KDM4D: variants seen among roughly 807,000 people sequenced by gnomAD.
KDM4D encodes the protein lysine-specific demethylase 4D.
For missense variants in KDM4D, 427 were observed against 674.8 expected, an observed-to-expected ratio of 0.63 and a Z score of 4.07; for synonymous variants, 254 against 249.1, an observed-to-expected ratio of 1.02 and a Z score of -0.19.
chr11:94,976,507 T>G (rs1289966608), intron 2 of KDM4D, among the ~76,000 whole-genome samples: 1 of 152,206 alleles, frequency 6.6e-6, no homozygotes, highest in Non-Finnish European at 1.5e-5. Context: ...CACTCTCCCT[T>G]GTGCTCTGGG....
chr11:94,996,268 A>C (rs1272097614), intron 2 of KDM4D, among the ~76,000 whole-genome samples: 1 of 152,222 alleles, frequency 6.6e-6, no homozygotes, highest in Non-Finnish European at 1.5e-5. Context: ...TGATGAGTTA[A>C]CACAATGAGT....
At position 94,997,509 on chromosome 11, in the gene KDM4D, C is replaced by G. The variant is rs1857985209; in HGVS notation, c.137C>G (p.Ala46Gly). 6.2e-7 allele frequency: 1 copy of G among 1,614,150 alleles called. No individual in the cohort carries two copies. Among genetic ancestry groups the G allele is most frequent in the East Asian group, 2.2e-5 (1 of 44,884 alleles). Residue 46 changes from alanine (A) to glycine (G), a missense_variant, in exon 3 of 3, where the codon GCT (alanine) becomes GGT (glycine). Physicochemically the swap from Ala to Gly is moderately conservative, Grantham distance 60. Transcript: ENST00000335080. Reference protein sequence around the residue: ...AYMESQGAHRAGLAKIIPPKE... With the variant: ...AYMESQGAHRGGLAKIIPPKE... ...ATGGAATCCCAAGGTGCACACAGAG[C>G]TGGCTTGGCTAAGATAATTCCACCC...
chr11:94,991,905 A>C (rs1245660611), intron 2 of KDM4D, among the ~76,000 whole-genome samples: 2 of 151,978 alleles, frequency 1.3e-5, no homozygotes, highest in Non-Finnish European at 2.9e-5. Context: ...ATAGAGAGAC[A>C]AACAACCTAA....
chr11:94,996,550 A>T (rs1396804118), intron 2 of KDM4D, among the ~76,000 whole-genome samples: 2 of 152,230 alleles, frequency 1.3e-5, no homozygotes, highest in Non-Finnish European at 2.9e-5. Context: ...ATTGATCTTT[A>T]TAAAACTGCA....
intron 2 of KDM4D, among the ~76,000 whole-genome samples, chr11:94,981,189 T>C (rs1214376235): frequency 1.3e-5 from 2 of 152,134 alleles, no homozygotes; most frequent in Non-Finnish European, 2.9e-5. Context: ...TACACTATTA[T>C]TTTTTAAAGT....
In KDM4D at chr11:94,998,982, G is replaced by T; in HGVS notation, c.*38G>T. 1 of 1,467,194 alleles carries T rather than the reference G, an allele frequency of 6.8e-7. No homozygotes were observed. The allele number at this position is 1,467,194 out of a possible 1,614,324, so 90.9% of individuals were successfully genotyped here. A position where few individuals can be genotyped will look rare whatever the true frequency, so the allele number is the denominator to read the frequency against. On this transcript the variant is annotated 3_prime_UTR_variant, in exon 3 of 3. Transcript: ENST00000335080. This position sits in a 1 kb window ranked among gnomAD's most constrained non-coding sequence, Gnocchi z 6.7. ...TCTTTATATCCCACTGCCCTGCTGT[G>T]TGACAGTTTGATGAAACTGGTTACA...
intron 2 of KDM4D, among the ~76,000 whole-genome samples, chr11:94,980,682 A>T (rs1454129162): frequency 6.6e-6 from 1 of 152,166 alleles, no homozygotes; most frequent in South Asian, 2.1e-4. Context: ...GCTTAATGCT[A>T]TTATAAATGG....
Position 94,973,726 on chromosome 11 carries a change from G to C in KDM4D, c.-787G>C, listed in dbSNP as rs912761398. On this transcript the variant is annotated 5_prime_UTR_variant, in exon 1 of 3. Transcript: ENST00000335080. ...CCCAGGGGGCGGGCGTTTGAAATCA[G>C]TGCCTTAGAGTAGACCCTAAACCTC... is the stretch of plus-strand genomic sequence containing the variant. 6.6e-6 allele frequency: 1 copy of C among 152,336 alleles called. No individual in the cohort carries two copies. The highest frequency in any genetic ancestry group is 2.1e-4 in the South Asian group (1 of 4,834). The allele number at this position is 152,336 out of a possible 1,614,324, so 9.4% of individuals were successfully genotyped here. A position where few individuals can be genotyped will look rare whatever the true frequency, so the allele number is the denominator to read the frequency against.
intron 2 of KDM4D, among the ~76,000 whole-genome samples, chr11:94,982,350 G>T (rs1186118017): frequency 2.6e-5 from 4 of 151,780 alleles, no homozygotes; most frequent in Non-Finnish European, 4.4e-5. Flanking sequence ...CCAGGTTTAT[G>T]CCTGTCATCC....
At chr11:94,975,134 C>T (rs1188469662) in intron 1 of KDM4D, among the ~76,000 whole-genome samples, 1 of 152,130 alleles carries the variant, frequency 6.6e-6, no homozygotes, top group Non-Finnish European at 1.5e-5. Context: ...ATTTTAGGGC[C>T]TTTGCACTAG....
chr11:94,979,383 C>T (rs1459077718), intron 2 of KDM4D, among the ~76,000 whole-genome samples: 1 of 152,002 alleles, frequency 6.6e-6, no homozygotes, highest in Non-Finnish European at 1.5e-5. Flanking sequence ...GTGCGTGCCA[C>T]CATGCCTGGC....
intron 2 of KDM4D, among the ~76,000 whole-genome samples, chr11:94,976,242 T>C (rs1259334037): frequency 1.3e-5 from 2 of 152,068 alleles, no homozygotes; most frequent in Non-Finnish European, 2.9e-5. Flanking sequence ...CCTCTTATGC[T>C]CTCCTAATTG....
chr11:94,988,582 A>G (rs1857907977), intron 2 of KDM4D, among the ~76,000 whole-genome samples: 1 of 152,228 alleles, frequency 6.6e-6, no homozygotes, highest in Non-Finnish European at 1.5e-5. Flanking sequence ...GTGACCTTTC[A>G]GAGGCAGCAG....
At chr11:94,985,981 A>G (rs1477448067) in intron 2 of KDM4D, among the ~76,000 whole-genome samples, 6 of 152,228 alleles carry the variant, frequency 3.9e-5, no homozygotes, top group Non-Finnish European at 7.3e-5. Context: ...TCTTTATGAC[A>G]TTGAGCTGGG....
rs782265790 is a variant in KDM4D, at chr11:94,998,314, G to A, written c.942G>A (p.Glu314=). ...TGGCCTCCCAGTGTAGCTGTGGGGA[G>A]GCAAGGGTGACCTTTTCCATGGATG... The part of the protein sequence containing the change: ...GKMASQCSCG[E]ARVTFSMDAF... Residue 314 remains glutamate, a synonymous_variant, in exon 3 of 3, where the codon GAG becomes GAA. Coordinates refer to ENST00000335080, the MANE Select transcript of KDM4D (RefSeq NM_018039.3). The surrounding 1 kb of genome is among the most constrained non-coding windows in gnomAD (Gnocchi z 6.7). 7 of 1,614,198 alleles carry A rather than the reference G, an allele frequency of 4.3e-6. No homozygotes were observed. The highest frequency in any genetic ancestry group is 5.9e-6 in the Non-Finnish European group (7 of 1,180,034).
chr11:94,982,837 A>G (rs587674654), intron 2 of KDM4D, among the ~76,000 whole-genome samples: 30 of 152,136 alleles, frequency 2.0e-4, no homozygotes, highest in African/African-American at 5.8e-4. Context: ...CTGAAGCTTC[A>G]TTGATATACA....
chr11:94,973,980 G>C lies in KDM4D; in HGVS notation c.-533G>C, dbSNP rs1211113534. On this transcript the variant is annotated 5_prime_UTR_variant, in exon 1 of 3. Coordinates refer to ENST00000335080, the MANE Select transcript of KDM4D (RefSeq NM_018039.3). The stretch of plus-strand genomic sequence containing the variant: ...CTGAGCTAGAACCAACAAACCTAGA[G>C]AGTTGGGCTTCGGAAAAACTAGTGT... The C allele has an allele frequency of 6.6e-6, 1 of 152,230 alleles. No homozygotes were observed. The highest frequency in any genetic ancestry group is 1.5e-5 in the Non-Finnish European group (1 of 68,054). 9.4% of individuals were successfully genotyped at this position (152,230 alleles called of 1,614,324 possible). A position where few individuals can be genotyped will look rare whatever the true frequency, so the allele number is the denominator to read the frequency against.
chr11:94,989,857 G>C (rs1857920289), intron 2 of KDM4D, among the ~76,000 whole-genome samples: 1 of 150,128 alleles, frequency 6.7e-6, no homozygotes, highest in Non-Finnish European at 1.5e-5. Context: ...AACCTCCCAG[G>C]TTCAAGTGAT....
At chr11:94,992,330 A>G (rs188791620) in intron 2 of KDM4D, among the ~76,000 whole-genome samples, 5 of 152,040 alleles carry the variant, frequency 3.3e-5, no homozygotes, top group Admixed American at 2.6e-4. Flanking sequence ...CATGTAATTA[A>G]TATGTAAAAT....
Sources: gnomAD v4.1 joint callset for allele counts (sites outside exome capture counted in the v4.1 genomes callset) on GRCh38, gnomAD v4.1.1 for gene constraint, Gnocchi (gnomAD v3.1) non-coding constraint, MANE v1.5 for transcripts, NCBI Gene and HGNC (gene_info 2026-07-23, HGNC 2026-07-21) for gene names.